NAV2: variants seen among roughly 807,000 people sequenced by gnomAD.
NAV2 encodes helicase, APC down-regulated 1.
NAV2 carries 54 observed loss-of-function variants against 223.2 expected under a neutral mutation model. That is an observed-to-expected ratio of 0.24 (90% confidence interval 0.19 to 0.30). The LOEUF is 0.30. Ranked by LOEUF, NAV2 falls within the 10% of genes least tolerant of loss-of-function variation. The pLI is 1.00. For missense variants in NAV2, 2,806 were observed against 3,147.5 expected (o/e 0.89, Z 2.60); for synonymous variants, 1,279 against 1,239.3 (o/e 1.03, Z -0.67).
chr11:19,970,985 T>C (rs1334903293), intron 10 of NAV2, among the ~76,000 whole-genome samples: 3 of 152,178 alleles, frequency 2.0e-5, no homozygotes, highest in Non-Finnish European at 4.4e-5. Flanking sequence ...CTCAGTGTGG[T>C]GTCCTCAAGT....
At position 19,467,012 on chromosome 11, in the gene NAV2, CACACACAG is replaced by C. The variant is rs771556352; in HGVS notation, c.75+115987_75+115994del. Among the ~76,000 whole-genome samples, 245 of 134,316 alleles carry C rather than the reference CACACACAG, an allele frequency of 1.8e-3. 1 individual carries two copies. The highest frequency in any genetic ancestry group is 0.015 in the South Asian group (59 of 3,852). 88.1% of individuals were successfully genotyped at this position (134,316 alleles called of 152,430 possible). A position where few individuals can be genotyped will look rare whatever the true frequency, so the allele number is the denominator to read the frequency against. On this transcript the variant is annotated intron_variant, in intron 1 of 37. Coordinates refer to the NAV2 transcript ENST00000360655. Reference sequence around the variant, plus strand: ...ACACACACACACACACACACACACACACACACAGAGAGAGAGAGAGAGAGAGAGAGAGA... The same window carrying C: ...ACACACACACACACACACACACACACAGAGAGAGAGAGAGAGAGAGAGAGA...
intron 1 of NAV2, among the ~76,000 whole-genome samples, chr11:19,686,989 A>G (rs1353176224): frequency 1.3e-5 from 2 of 152,220 alleles, no homozygotes; most frequent in Admixed American, 6.5e-5. Flanking sequence ...GAAAGTTTAT[A>G]TAACTTTCCC....
chr11:19,351,746 A>C (rs181024128), intron 1 of NAV2, among the ~76,000 whole-genome samples: 2 of 150,432 alleles, frequency 1.3e-5, no homozygotes, highest in Non-Finnish European at 2.9e-5. Context: ...GCAGAGTCCA[A>C]ATTTTTGTTG....
chr11:19,948,008 A>G (rs11025334), intron 9 of NAV2, among the ~76,000 whole-genome samples: 1 of 152,210 alleles, frequency 6.6e-6, no homozygotes, highest in Admixed American at 6.5e-5. Context: ...ATGGGCAAGC[A>G]GGAACCTTCA....
chr11:19,880,047 A>C lies in NAV2; in HGVS notation c.690A>C (p.Pro230=), dbSNP rs777803793. ...CQAGTPQQQV[P]VTPQAPCQPH... is the part of the protein sequence containing the mutation. Reference sequence around the variant, plus strand: ...CTGGCACCCCTCAGCAGCAGGTGCCAGTCACTCCCCAAGCCCCGTGCCAGC... The same window carrying C: ...CTGGCACCCCTCAGCAGCAGGTGCCCGTCACTCCCCAAGCCCCGTGCCAGC... Residue 230 remains proline, a synonymous_variant, in exon 5 of 38, where the codon CCA becomes CCC. Coordinates refer to ENST00000349880, the MANE Select transcript of NAV2 (RefSeq NM_145117.5). 22 of 1,613,534 alleles carry C rather than the reference A, an allele frequency of 1.4e-5. No homozygotes were observed. In the Admixed American group the frequency reaches 3.5e-4, roughly 26 times the overall value.
At chr11:19,828,317 A>G (rs2059752491) in intron 1 of NAV2, among the ~76,000 whole-genome samples, 1 of 150,218 alleles carries the variant, frequency 6.7e-6, no homozygotes, top group Non-Finnish European at 1.5e-5. Flanking sequence ...AACATCCCAA[A>G]CCAAAACTCT....
chr11:19,688,966 T>C (rs938067297), intron 1 of NAV2, among the ~76,000 whole-genome samples: 2 of 152,156 alleles, frequency 1.3e-5, no homozygotes, highest in East Asian at 1.9e-4. Context: ...AACTAGATTA[T>C]TTTTTCAGAG....
At position 19,467,026 on chromosome 11, in the gene NAV2, G is replaced by C. The variant is rs931894459; in HGVS notation, c.75+115999G>C. Among the ~76,000 whole-genome samples, 111 of 112,424 alleles carry C rather than the reference G, an allele frequency of 9.9e-4. 1 individual carries two copies. The highest frequency in any genetic ancestry group is 2.5e-3 in the African/African-American group (81 of 32,836). The allele number at this position is 112,424 out of a possible 152,430, so 73.8% of individuals were successfully genotyped here. ...ACACACACACACACACACAGAGAGAGAGAGAGAGAGAGAGAGAGATAGATA... is the reference window on the plus strand; with the variant it reads ...ACACACACACACACACACAGAGAGACAGAGAGAGAGAGAGAGAGATAGATA... On this transcript the variant is annotated intron_variant, in intron 1 of 37. Coordinates refer to the NAV2 transcript ENST00000360655.
At chr11:19,402,595 G>A (rs1347979346) in intron 1 of NAV2, among the ~76,000 whole-genome samples, 2 of 152,110 alleles carry the variant, frequency 1.3e-5, no homozygotes, top group African/African-American at 4.8e-5. Flanking sequence ...TTATTTGAGT[G>A]TAAATAGATA....
intron 25 of NAV2, among the ~76,000 whole-genome samples, chr11:20,081,390 G>A (rs1047818484): frequency 6.6e-6 from 1 of 152,178 alleles, no homozygotes; most frequent in Non-Finnish European, 1.5e-5. Context: ...AAAAATAGTG[G>A]TTATTCCATT....
Position 20,078,116 on chromosome 11 carries a change from G to A in NAV2, c.5179+12G>A. ...GCTCAACTGCAAAGGTAAAGTAAGG[G>A]AAACAGCCTTTAGCCAGAAGACCTG... On this transcript the variant is annotated intron_variant, in intron 24 of 37. Transcript: ENST00000349880. 6.3e-7 allele frequency: 1 copy of A among 1,599,916 alleles called. No homozygotes were observed. Among genetic ancestry groups the A allele is most frequent in the South Asian group, 1.1e-5 (1 of 90,262 alleles).
At chr11:19,900,422 G>A (rs1441781342) in intron 6 of NAV2, among the ~76,000 whole-genome samples, 1 of 152,148 alleles carries the variant, frequency 6.6e-6, no homozygotes, top group Non-Finnish European at 1.5e-5. Context: ...CAGAAGTATG[G>A]CTCTGGCCAA....
At chr11:20,043,039 C>G (rs987760601) in intron 12 of NAV2, among the ~76,000 whole-genome samples, 12 of 152,174 alleles carry the variant, frequency 7.9e-5, no homozygotes, top group Admixed American at 2.0e-4. Context: ...ACAAGGGGAG[C>G]AAAGCAGTGG....
intron 8 of NAV2, among the ~76,000 whole-genome samples, chr11:19,943,930 G>T (rs892717897): frequency 1.2e-4 from 16 of 135,352 alleles, no homozygotes; most frequent in Non-Finnish European, 2.0e-4. Flanking sequence ...GTGTGTGGTG[G>T]CTCACGCCTG....
chr11:19,544,739 G>A (rs1319178191), intron 1 of NAV2, among the ~76,000 whole-genome samples: 1 of 152,168 alleles, frequency 6.6e-6, no homozygotes, highest in Non-Finnish European at 1.5e-5. Flanking sequence ...AGGGAATTAG[G>A]GACATAAAAG....
intron 10 of NAV2, among the ~76,000 whole-genome samples, chr11:19,981,502 G>T (rs969602844): frequency 6.6e-6 from 1 of 152,184 alleles, no homozygotes; most frequent in African/African-American, 2.4e-5. Flanking sequence ...TAAAAATCCA[G>T]CAGGGAAATG....
intron 1 of NAV2, among the ~76,000 whole-genome samples, chr11:19,652,457 A>C (rs2047998225): frequency 6.6e-6 from 1 of 152,166 alleles, no homozygotes; most frequent in African/African-American, 2.4e-5. Context: ...GCAGTGAGGA[A>C]TCAAGGCTTC....
chr11:19,756,056 G>T (rs981357565), intron 1 of NAV2, among the ~76,000 whole-genome samples: 1 of 152,106 alleles, frequency 6.6e-6, no homozygotes, highest in African/African-American at 2.4e-5. Context: ...TGACCTCCAC[G>T]TGGCAACTTT....
At position 20,044,262 on chromosome 11, in the gene NAV2, C is replaced by T; in HGVS notation, c.3189C>T (p.Thr1063=). The change falls in exon 13 of 38, where the codon ACC becomes ACT. Residue 1063 remains threonine (T), a synonymous_variant. Coordinates refer to ENST00000349880, the MANE Select transcript of NAV2 (RefSeq NM_145117.5). ...CAGCCCCGGCAGGCGCACTGAAGAC[C>T]CCAGGAACTGGTAAGAGGCCGGGGC... ...KPSAPAGALK[T]PGTGKTDDAK... The T allele has an allele frequency of 1.9e-6, 3 of 1,607,384 alleles. No homozygotes were observed. Among genetic ancestry groups the T allele is most frequent in the Non-Finnish European group, 2.6e-6 (3 of 1,174,696 alleles).
Sources: gnomAD v4.1 joint callset for allele counts (sites outside exome capture counted in the v4.1 genomes callset) on GRCh38, gnomAD v4.1.1 for gene constraint, MANE v1.5 for transcripts, NCBI Gene and HGNC (gene_info 2026-07-23, HGNC 2026-07-21) for gene names.